TRIM55: variants seen among roughly 807,000 people sequenced by gnomAD.
The protein encoded by TRIM55 is tripartite motif-containing protein 55.
In TRIM55, 50 loss-of-function variants were observed where a neutral mutation model predicts 60.9. That is an observed-to-expected ratio of 0.82 (90% confidence interval 0.65 to 1.04). The LOEUF (loss-of-function observed/expected upper bound fraction) is 1.04, where lower values mean the gene tolerates loss of function less well. Ranked by LOEUF, TRIM55 falls within the 50% of genes least tolerant of loss-of-function variation. TRIM55 has a pLI of 0.00. For synonymous variants in TRIM55, 237 were observed against 238.1 expected, an observed-to-expected ratio of 1.00 and a Z score of 0.04; for missense variants, 681 against 666.9, an observed-to-expected ratio of 1.02 and a Z score of -0.23.
At chr8:66,125,590 A>T (rs916335621), upstream of TRIM55, among the ~76,000 whole-genome samples, 17 of 152,226 alleles carry the variant, frequency 1.1e-4, no homozygotes, top group African/African-American at 3.9e-4. Flanking sequence ...CCATGAATTG[A>T]TAAACACAAT....
At chr8:66,123,899 C>T (rs933220531), upstream of TRIM55, among the ~76,000 whole-genome samples, 3 of 151,902 alleles carry the variant, frequency 2.0e-5, no homozygotes, top group African/African-American at 7.3e-5. Context: ...TTTTTTTCTA[C>T]AAATACTGCT....
At chr8:66,149,504 C>T in intron 4 of TRIM55, 141 bp from the exon 5 acceptor site, 1 of 638,708 alleles carries the variant, frequency 1.6e-6, no homozygotes, top group Non-Finnish European at 2.7e-6. Flanking sequence ...AGTGGGTATC[C>T]ATACCTAAAT....
In TRIM55 at chr8:66,135,119, G is replaced by C. The variant is rs781439735; in HGVS notation, c.471G>C (p.Gln157His). 2.4e-5 allele frequency: 38 copies of C among 1,614,154 alleles called. No individual in the cohort carries two copies. The South Asian group carries it at 4.2e-4, about 18-fold the overall frequency. Residue 157 changes from glutamine (Q) to histidine (H), a missense_variant, in exon 3 of 10, where the codon CAG (glutamine) becomes CAC (histidine). Transcript: ENST00000315962. ...CKVFGAHKDC[Q>H]VAPLTHVFQR... ...TGTTTGGTGCACACAAAGACTGCCA[G>C]GTGGCTCCCCTCACTCATGTGTTCC...
the TRIM55 span, among the ~76,000 whole-genome samples, chr8:66,117,937 C>T: frequency 5.3e-5 from 8 of 151,770 alleles, no homozygotes; most frequent in South Asian, 2.1e-4. Flanking sequence ...GAGGCCGAGG[C>T]GGGTGGATCA....
chr8:66,131,221 A>G (rs1809138493), intron 2 of TRIM55, among the ~76,000 whole-genome samples: 1 of 152,124 alleles, frequency 6.6e-6, no homozygotes. Context: ...CTGCTACCCT[A>G]TTAAAGCTTT....
chr8:66,128,446 T>C lies in TRIM55; in HGVS notation c.311T>C (p.Ile104Thr), dbSNP rs1808953650. ...CAGAGGAACCTGCTGGTGGAAAATA[T>C]CATTGACATCTACAAGCAGGAGTCC... Reference protein sequence around the residue: ...GLQRNLLVENIIDIYKQESTR... With the variant: ...GLQRNLLVENTIDIYKQESTR... The change falls in exon 2 of 10, where the codon ATC becomes ACC. Residue 104 changes from isoleucine to threonine, a missense_variant. By Grantham distance (89) the Ile-to-Thr change is moderately conservative. Coordinates refer to ENST00000315962, the MANE Select transcript of TRIM55 (RefSeq NM_184085.2). The C allele has an allele frequency of 6.2e-7, 1 of 1,613,610 alleles. No homozygotes were observed. The highest frequency in any genetic ancestry group is 8.5e-7 in the Non-Finnish European group (1 of 1,179,780).
intron 9 of TRIM55, among the ~76,000 whole-genome samples, chr8:66,166,401 T>C (rs983138872): frequency 6.6e-6 from 1 of 152,230 alleles, no homozygotes; most frequent in African/African-American, 2.4e-5. Context: ...AATTGTTTAT[T>C]ATTCTGATTT....
intron 2 of TRIM55, among the ~76,000 whole-genome samples, chr8:66,132,212 A>G (rs1298550303): frequency 6.6e-6 from 1 of 152,166 alleles, no homozygotes; most frequent in Non-Finnish European, 1.5e-5. Context: ...GCACTTTGGG[A>G]GGCTGAGGTG....
Position 66,127,156 on chromosome 8 carries a change from G to T in TRIM55, c.-113G>T. ...GGCCTGAAACAATGTCCTCCACCGA[G>T]AGAAACGTAAAGGACACTTGATCAC... is the stretch of plus-strand genomic sequence containing the variant. On this transcript the variant is annotated 5_prime_UTR_variant, in exon 1 of 10. Transcript: ENST00000315962. 8.3e-7 allele frequency: 1 copy of T among 1,197,796 alleles called. No individual in the cohort carries two copies. Among genetic ancestry groups the T allele is most frequent in the Non-Finnish European group, 1.2e-6 (1 of 864,162 alleles). The allele number at this position is 1,197,796 out of a possible 1,614,324, so 74.2% of individuals were successfully genotyped here. A position where few individuals can be genotyped will look rare whatever the true frequency, so the allele number is the denominator to read the frequency against.
the TRIM55 span, among the ~76,000 whole-genome samples, chr8:66,118,926 C>G: frequency 1.3e-5 from 2 of 152,162 alleles, no homozygotes; most frequent in Non-Finnish European, 2.9e-5. Flanking sequence ...TGCATGCATG[C>G]ATGTGTGAAT....
chr8:66,126,490 TAG>T (rs1448612886), upstream of TRIM55, among the ~76,000 whole-genome samples: 1 of 152,208 alleles, frequency 6.6e-6, no homozygotes, highest in Non-Finnish European at 1.5e-5. Flanking sequence ...CTCAAATAAT[TAG>T]ATCATCCACT....
chr8:66,168,493 G>A (rs182362518), intron 9 of TRIM55, among the ~76,000 whole-genome samples: 37 of 152,344 alleles, frequency 2.4e-4, no homozygotes, highest in Admixed American at 1.9e-3. Flanking sequence ...TCCAGCATCT[G>A]GCTTTGGTTC....
chr8:66,146,103 A>C (rs896294186), intron 4 of TRIM55, among the ~76,000 whole-genome samples: 1 of 152,188 alleles, frequency 6.6e-6, no homozygotes, highest in Admixed American at 6.5e-5. Context: ...AGGAATTTGT[A>C]CCTAAATTTA....
At chr8:66,161,300 T>C (rs772069322) in intron 9 of TRIM55, among the ~76,000 whole-genome samples, 3 of 152,276 alleles carry the variant, frequency 2.0e-5, no homozygotes, top group South Asian at 2.1e-4. Flanking sequence ...CCCCACTTTA[T>C]GTTTTTGTTT....
At chr8:66,149,919 G>A (rs1291077983) in intron 5 of TRIM55, 41 bp downstream of exon 5, 2 of 1,478,446 alleles carry the variant, frequency 1.4e-6, no homozygotes, top group Admixed American at 3.5e-5. Flanking sequence ...CCCAAAAGGT[G>A]GGTGTTGGAA....
chr8:66,122,825 G>C (rs992138005), upstream of TRIM55, among the ~76,000 whole-genome samples: 1 of 152,138 alleles, frequency 6.6e-6, no homozygotes, highest in Non-Finnish European at 1.5e-5. Context: ...GTAGCAATAA[G>C]ATACCAAATT....
At chr8:66,162,212 A>G (rs1402619144) in intron 9 of TRIM55, among the ~76,000 whole-genome samples, 3 of 152,052 alleles carry the variant, frequency 2.0e-5, no homozygotes, top group Non-Finnish European at 4.4e-5. Flanking sequence ...AATTTTGCTG[A>G]GGGTTTTAAT....
Position 66,171,512 on chromosome 8 carries a change from C to A in TRIM55, c.1525-2959C>A, listed in dbSNP as rs562637115. 2.6e-5 allele frequency among the ~76,000 whole-genome samples: 4 copies of A among 152,248 alleles called. No homozygotes were observed. In the South Asian group the frequency reaches 8.3e-4, roughly 32 times the overall value. ...AAAAAACATGTGACTGTAATATGGA[C>A]TATCAATCTGTTGTTTACCTTTTTA... On this transcript the variant is annotated intron_variant, in intron 9 of 9. Coordinates refer to ENST00000315962, the MANE Select transcript of TRIM55 (RefSeq NM_184085.2).
the TRIM55 span, among the ~76,000 whole-genome samples, chr8:66,113,976 C>G: frequency 6.6e-6 from 1 of 152,020 alleles, no homozygotes; most frequent in Admixed American, 6.5e-5. Context: ...ACCCGGGAAG[C>G]TGTGCCCGCT....
Sources: gnomAD v4.1 joint callset for allele counts (sites outside exome capture counted in the v4.1 genomes callset) on GRCh38, gnomAD v4.1.1 for gene constraint, MANE v1.5 for transcripts, NCBI Gene and HGNC (gene_info 2026-07-23, HGNC 2026-07-21) for gene names.